Variants in CRB1 observed in about 807,000 individuals in gnomAD.
CRB1 encodes crumbs cell polarity complex component 1.
In CRB1, 83 loss-of-function variants were observed where a neutral mutation model predicts 120.0. The ratio of observed to expected loss-of-function variants is 0.69; its 90% CI spans 0.58 to 0.83. CRB1 has a LOEUF of 0.83. Ranked by LOEUF, CRB1 falls within the 40% of genes least tolerant of loss-of-function variation. The pLI, the probability that CRB1 is intolerant of heterozygous loss-of-function variation, is 0.00. For synonymous variants in CRB1, 625 were observed against 612.5 expected, an observed-to-expected ratio of 1.02 and a Z score of -0.30; for missense variants, 1,699 against 1,687.6, an observed-to-expected ratio of 1.01 and a Z score of -0.12.
intron 11 of CRB1, among the ~76,000 whole-genome samples, chr1:197,474,108 G>T (rs1271823177): frequency 2.6e-5 from 4 of 152,178 alleles, no homozygotes; most frequent in Non-Finnish European, 5.9e-5. Flanking sequence ...AATAGAATTA[G>T]GGAAAATGAT....
At chr1:197,391,786 GAAAAAATAAGAATTCAGA>G (rs1273657555) in intron 5 of CRB1, among the ~76,000 whole-genome samples, 3 of 151,854 alleles carry the variant, frequency 2.0e-5, no homozygotes, top group African/African-American at 7.3e-5. Context: ...GTTAGTGAAG[GAAAAAATAAGAATTCAGA>G]AAAAAATATT....
intron 1 of CRB1, among the ~76,000 whole-genome samples, chr1:197,308,159 A>T (rs1431999342): frequency 1.3e-5 from 2 of 152,252 alleles, no homozygotes; most frequent in Non-Finnish European, 2.9e-5. Context: ...TGGAGGCCGT[A>T]ATCCTAAGCA....
chr1:197,265,832 A>T (rs1280691300), upstream of CRB1, among the ~76,000 whole-genome samples: 1 of 152,094 alleles, frequency 6.6e-6, no homozygotes, highest in African/African-American at 2.4e-5. Context: ...GACAACGGCA[A>T]TATCCTTCTC....
chr1:197,418,507 T>C (rs1459019285), intron 5 of CRB1, among the ~76,000 whole-genome samples: 1 of 152,202 alleles, frequency 6.6e-6, no homozygotes, highest in Non-Finnish European at 1.5e-5. Flanking sequence ...GAAATATTTT[T>C]GAATTGACAA....
chr1:197,296,777 T>A (rs1456013780), intron 1 of CRB1, among the ~76,000 whole-genome samples: 1 of 152,076 alleles, frequency 6.6e-6, no homozygotes, highest in Non-Finnish European at 1.5e-5. Context: ...CTCATGGTAG[T>A]GAATAAGTCT....
intron 1 of CRB1, among the ~76,000 whole-genome samples, chr1:197,315,044 T>C (rs1281958812): frequency 6.6e-6 from 1 of 152,192 alleles, no homozygotes; most frequent in South Asian, 2.1e-4. Context: ...ATTGTATTCC[T>C]TCTGTCTGCC....
the CRB1 span, among the ~76,000 whole-genome samples, chr1:197,249,989 A>G: frequency 8.5e-5 from 13 of 152,142 alleles, no homozygotes; most frequent in African/African-American, 2.9e-4. Flanking sequence ...CAATATCTAC[A>G]AGCACCATGC....
At chr1:197,237,363 G>C in the CRB1 span, among the ~76,000 whole-genome samples, 1 of 152,196 alleles carries the variant, frequency 6.6e-6, no homozygotes. Context: ...TATCTGGTGA[G>C]AGCCTCTTTC....
At chr1:197,229,551 C>T in the CRB1 span, among the ~76,000 whole-genome samples, 3 of 152,294 alleles carry the variant, frequency 2.0e-5, no homozygotes, top group South Asian at 6.2e-4. Flanking sequence ...GTGATCCCGT[C>T]ACCCAGGTAG....
At chr1:197,405,656 C>T (rs879404329) in intron 5 of CRB1, among the ~76,000 whole-genome samples, 3 of 151,088 alleles carry the variant, frequency 2.0e-5, no homozygotes, top group Non-Finnish European at 4.4e-5. Flanking sequence ...GGCCGCCCAT[C>T]GTCTGAGATG....
intron 5 of CRB1, among the ~76,000 whole-genome samples, chr1:197,384,135 T>C (rs2125404605): frequency 6.6e-6 from 1 of 152,322 alleles, no homozygotes; most frequent in South Asian, 2.1e-4. Flanking sequence ...CTACTTTCTG[T>C]GCCAGACCTT....
At chr1:197,446,882 T>A (rs941502687) in intron 11 of CRB1, among the ~76,000 whole-genome samples, 2 of 152,216 alleles carry the variant, frequency 1.3e-5, no homozygotes, top group Non-Finnish European at 2.9e-5. Flanking sequence ...TAAATACAGT[T>A]ATTAATCAGT....
At chr1:197,427,386 C>G (rs748551120) in intron 6 of CRB1, 68 bp from the exon 7 acceptor site, 23 of 1,436,618 alleles carry the variant, frequency 1.6e-5, no homozygotes, top group Non-Finnish European at 2.2e-5. Flanking sequence ...CGTCTTCCAT[C>G]CCTTCTGTCT....
chr1:197,240,146 A>C, the CRB1 span, among the ~76,000 whole-genome samples: 1 of 151,964 alleles, frequency 6.6e-6, no homozygotes, highest in Non-Finnish European at 1.5e-5. Context: ...CTTCACTTGT[A>C]TTTTTGCTTA....
the CRB1 span, chr1:197,223,397 T>G: frequency 8.2e-6 from 4 of 489,024 alleles, no homozygotes; most frequent in Non-Finnish European, 1.5e-5. Context: ...TGTGTGCCTA[T>G]GGTTTTTTTT....
At chr1:197,407,035 T>G (rs1364128176) in intron 5 of CRB1, among the ~76,000 whole-genome samples, 1 of 152,186 alleles carries the variant, frequency 6.6e-6, no homozygotes. Flanking sequence ...TCCATATTTA[T>G]TAAATTGGCT....
chr1:197,258,172 T>C, the CRB1 span, among the ~76,000 whole-genome samples: 15 of 152,344 alleles, frequency 9.8e-5, no homozygotes, highest in South Asian at 3.1e-3. Flanking sequence ...TAAAATAGTA[T>C]AATTGGATTT....
intron 6 of CRB1, among the ~76,000 whole-genome samples, chr1:197,422,312 T>C (rs978699863): frequency 2.3e-5 from 3 of 130,376 alleles, no homozygotes; most frequent in African/African-American, 7.6e-5. Context: ...AATAATCTTT[T>C]GAAAAAAAAA....
At chr1:197,253,147 T>G in the CRB1 span, among the ~76,000 whole-genome samples, 3 of 152,050 alleles carry the variant, frequency 2.0e-5, no homozygotes, top group Non-Finnish European at 4.4e-5. Flanking sequence ...ATCTGCATAG[T>G]CTACTCTTTC....
Sources: allele counts gnomAD v4.1 joint callset (sites outside exome capture counted in the v4.1 genomes callset), GRCh38; gene constraint gnomAD v4.1.1; transcripts MANE v1.5; gene names NCBI Gene and HGNC (gene_info 2026-07-23, HGNC 2026-07-21).